The following PAMR1 variants were observed in gnomAD, a reference collection of about 807,000 sequenced individuals.
The protein encoded by PAMR1 is peptidase domain containing associated with muscle regeneration 1.
PAMR1 carries 88 observed loss-of-function variants against 81.8 expected under a neutral mutation model. That is an observed-to-expected ratio of 1.08 (90% CI 0.91 to 1.28). PAMR1 has a LOEUF of 1.28. Among genes scored for constraint, PAMR1 ranks in the 50% most tolerant of loss-of-function variants. The pLI, the probability that PAMR1 is intolerant of heterozygous loss-of-function variation, is 0.00. For synonymous variants in PAMR1, 336 were observed against 345.3 expected (o/e 0.97, Z 0.30); for missense variants, 935 against 919.7 (o/e 1.02, Z -0.21).
chr11:35,441,755 G>C, intron 6 of PAMR1, 62 bp from the exon 7 acceptor site: 1 of 1,134,146 alleles, frequency 8.8e-7, no homozygotes, highest in Non-Finnish European at 1.3e-6. Flanking sequence ...TTTTAGAATA[G>C]AATCTTTCAT....
chr11:35,462,122 G>A (rs1490347964), intron 6 of PAMR1, among the ~76,000 whole-genome samples: 1 of 151,952 alleles, frequency 6.6e-6, no homozygotes, highest in Non-Finnish European at 1.5e-5. Context: ...GACCAGCAGG[G>A]GACTGACACA....
chr11:35,445,322 T>C (rs1856267259), intron 6 of PAMR1, among the ~76,000 whole-genome samples: 1 of 152,252 alleles, frequency 6.6e-6, no homozygotes, highest in Non-Finnish European at 1.5e-5. Flanking sequence ...CCTGTCTGAA[T>C]ACACTTTATT....
chr11:35,500,077 C>A (rs772238026), intron 1 of PAMR1, among the ~76,000 whole-genome samples: 1 of 152,192 alleles, frequency 6.6e-6, no homozygotes, highest in Non-Finnish European at 1.5e-5. Context: ...AACAGCTTCT[C>A]CTGTGGAGCA....
chr11:35,450,129 C>CAAAAAAAAAAAA (rs60887441), intron 6 of PAMR1, among the ~76,000 whole-genome samples: 5 of 43,050 alleles, frequency 1.2e-4, no homozygotes, highest in African/African-American at 3.1e-4. Context: ...TGCCTCCAGG[C>CAAAAAAAAAAAA]AAAAAAAAAA....
chr11:35,507,840 A>G, intron 1 of PAMR1, among the ~76,000 whole-genome samples: 1 of 146,028 alleles, frequency 6.8e-6, no homozygotes, highest in Non-Finnish European at 1.5e-5. Flanking sequence ...CTTTTTGGGC[A>G]GTAGATGGTG....
chr11:35,519,404 G>A (rs1479859894), intron 1 of PAMR1, among the ~76,000 whole-genome samples: 1 of 148,036 alleles, frequency 6.8e-6, no homozygotes, highest in Non-Finnish European at 1.5e-5. Flanking sequence ...ATCCATAAAG[G>A]AGCAGACATA....
In PAMR1 at chr11:35,435,924, G is replaced by C. The variant is rs763793747; in HGVS notation, c.1312C>G (p.Arg438Gly). The C allele has an allele frequency of 6.2e-7, 1 of 1,613,724 alleles. No individual in the cohort carries two copies. The highest frequency in any genetic ancestry group is 8.5e-7 in the Non-Finnish European group (1 of 1,179,630). Residue 438 changes from arginine (R) to glycine (G), a missense_variant, in exon 9 of 11, where the codon CGG becomes GGG. Coordinates refer to ENST00000619888, the MANE Select transcript of PAMR1 (RefSeq NM_001001991.3). ...TCLRTGKWSG[R>G]APSCIPICGK... ...TCACTAGGGATGCAGGATGGTGCCC[G>C]CCCACTCCACTTCCCAGTCCTCAGA... is the stretch of plus-strand genomic sequence containing the variant.
chr11:35,491,565 T>G (rs867794232), intron 3 of PAMR1, among the ~76,000 whole-genome samples: 1 of 152,178 alleles, frequency 6.6e-6, no homozygotes, highest in African/African-American at 2.4e-5. Flanking sequence ...TAATAAAAAC[T>G]AAGTAATTCT....
intron 3 of PAMR1, among the ~76,000 whole-genome samples, chr11:35,483,087 G>T (rs1372619880): frequency 6.6e-6 from 1 of 152,048 alleles, no homozygotes; most frequent in Non-Finnish European, 1.5e-5. Flanking sequence ...TGTTTCCTTT[G>T]ATTGCAAACG....
intron 3 of PAMR1, among the ~76,000 whole-genome samples, chr11:35,488,128 T>C (rs2135395983): frequency 6.6e-6 from 1 of 152,192 alleles, no homozygotes; most frequent in African/African-American, 2.4e-5. Flanking sequence ...CTCTAATATG[T>C]AATATTTTTA....
rs145438241 is a variant in PAMR1, at chr11:35,460,809, G to A, written c.820+7192C>T. ...TACGTGTGTGTGCATCTTTATAGCA[G>A]CATGTTTTGGGTATATACCTAGTAA... On this transcript the variant is annotated intron_variant, in intron 6 of 10. Transcript: ENST00000619888. Among the ~76,000 whole-genome samples the A allele has an allele frequency of 3.8e-4, 58 of 152,182 alleles. No homozygotes were observed. In the East Asian group the frequency reaches 0.011, roughly 29 times the overall value.
chr11:35,484,804 G>A (rs112342867), intron 3 of PAMR1, among the ~76,000 whole-genome samples: 28 of 152,156 alleles, frequency 1.8e-4, no homozygotes, highest in African/African-American at 6.0e-4. Flanking sequence ...CTAGAAGTGT[G>A]GCATTCTGGG....
intron 3 of PAMR1, among the ~76,000 whole-genome samples, chr11:35,485,213 A>G (rs1163470534): frequency 6.6e-6 from 1 of 152,232 alleles, no homozygotes; most frequent in African/African-American, 2.4e-5. Flanking sequence ...AAACAATCTA[A>G]GCATCAAAAG....
intron 5 of PAMR1, among the ~76,000 whole-genome samples, chr11:35,469,496 G>A (rs1410778709): frequency 6.6e-6 from 1 of 152,206 alleles, no homozygotes; most frequent in African/African-American, 2.4e-5. Flanking sequence ...GTCACCAAGG[G>A]AAGAGGATTC....
intron 2 of PAMR1, among the ~76,000 whole-genome samples, chr11:35,492,977 T>C (rs966425482): frequency 2.0e-5 from 3 of 152,354 alleles, no homozygotes; most frequent in Non-Finnish European, 4.4e-5. Flanking sequence ...AAGCTTTCAG[T>C]GACTCAGTGT....
intron 6 of PAMR1, among the ~76,000 whole-genome samples, chr11:35,450,652 G>A (rs1209357986): frequency 1.3e-5 from 2 of 152,172 alleles, no homozygotes; most frequent in Admixed American, 1.3e-4. Flanking sequence ...GACTGAAATT[G>A]TCTCAAAAAC....
At chr11:35,465,547 C>T (rs1209932424) in intron 6 of PAMR1, among the ~76,000 whole-genome samples, 1 of 152,172 alleles carries the variant, frequency 6.6e-6, no homozygotes, top group East Asian at 1.9e-4. Flanking sequence ...ACATAAACTG[C>T]CATAGCCATT....
chr11:35,481,473 T>C (rs1446688515), intron 3 of PAMR1, among the ~76,000 whole-genome samples: 1 of 151,938 alleles, frequency 6.6e-6, no homozygotes, highest in Non-Finnish European at 1.5e-5. Flanking sequence ...TAAGCTTTTT[T>C]TCATATGTTT....
In PAMR1 at chr11:35,441,627, C is replaced by T; in HGVS notation, c.887G>A (p.Gly296Asp). Reference protein sequence around the residue: ...PVNGYQKITGGPGLINGRHAK... With the variant: ...PVNGYQKITGDPGLINGRHAK... Reference sequence around the variant, plus strand: ...ATGGCGTCCGTTGATAAGCCCAGGGCCCCCTGTTATTTTCTGGTACCCATT... The same window carrying T: ...ATGGCGTCCGTTGATAAGCCCAGGGTCCCCTGTTATTTTCTGGTACCCATT... Residue 296 changes from glycine (G) to aspartate (D), a missense_variant, in exon 7 of 11, where the codon GGC becomes GAC. Gly to Asp is a moderately conservative substitution (Grantham distance 94). Transcript: ENST00000619888. The T allele has an allele frequency of 1.2e-6, 2 of 1,613,952 alleles. No homozygotes were observed. Among genetic ancestry groups the T allele is most frequent in the East Asian group, 2.2e-5 (1 of 44,884 alleles).
Sources: allele counts gnomAD v4.1 joint callset (sites outside exome capture counted in the v4.1 genomes callset), GRCh38; gene constraint gnomAD v4.1.1; transcripts MANE v1.5; gene names NCBI Gene and HGNC (gene_info 2026-07-23, HGNC 2026-07-21).